Variants in MYO9B observed in about 807,000 individuals in gnomAD.
MYO9B encodes unconventional myosin-IXb.
In MYO9B, 71 loss-of-function variants were observed where a neutral mutation model predicts 229.5. The ratio of observed to expected loss-of-function variants is 0.31; its 90% CI spans 0.26 to 0.38. The LOEUF (loss-of-function observed/expected upper bound fraction) is 0.38. Ranked by LOEUF, MYO9B falls within the 10% of genes least tolerant of loss-of-function variation. The pLI is 1.00. For synonymous variants in MYO9B, 1,185 were observed against 1,235.8 expected, an observed-to-expected ratio of 0.96 and a Z score of 0.86; for missense variants, 2,255 against 2,920.5, an observed-to-expected ratio of 0.77 and a Z score of 5.25.
At chr19:17,110,123 C>T (rs1007450679) in intron 2 of MYO9B, among the ~76,000 whole-genome samples, 1 of 152,140 alleles carries the variant, frequency 6.6e-6, no homozygotes, top group Non-Finnish European at 1.5e-5. Context: ...CTCAGCTCCC[C>T]GAAAGGAGAA....
At chr19:17,079,373 GC>G (rs1414104074) in intron 1 of MYO9B, among the ~76,000 whole-genome samples, 1 of 152,176 alleles carries the variant, frequency 6.6e-6, no homozygotes, top group Non-Finnish European at 1.5e-5. Flanking sequence ...TAGGCAACGT[GC>G]CCGAGGGTGG....
At chr19:17,208,232 G>A (rs145566073) in intron 35 of MYO9B, among the ~76,000 whole-genome samples, 3,692 of 147,610 alleles carry the variant, frequency 0.025, 74 homozygotes, top group South Asian at 0.056. Context: ...CCAGCTACTC[G>A]GGAGGCTGAG....
At chr19:17,148,016 C>T (rs1159100531) in intron 3 of MYO9B, among the ~76,000 whole-genome samples, 1 of 152,100 alleles carries the variant, frequency 6.6e-6, no homozygotes, top group Non-Finnish European at 1.5e-5. Context: ...TACTGTCTCC[C>T]ATGGAAGCCA....
intron 2 of MYO9B, among the ~76,000 whole-genome samples, chr19:17,140,336 G>GT (rs1379132646): frequency 6.6e-6 from 1 of 152,092 alleles, no homozygotes; most frequent in Non-Finnish European, 1.5e-5. Context: ...CATTGATGGT[G>GT]TTTTTTCCCA....
Position 17,195,907 on chromosome 19 carries a change from G to A in MYO9B, c.4046+434G>A, listed in dbSNP as rs1221027089. Reference sequence around the variant, plus strand: ...GAATCTCCAGCTCCCTCTTCCAGAGGGCCTGCAGGACCAAAGGAAAGAAAT... The same window carrying A: ...GAATCTCCAGCTCCCTCTTCCAGAGAGCCTGCAGGACCAAAGGAAAGAAAT... On this transcript the variant is annotated intron_variant, in intron 22 of 39. Transcript: ENST00000682292. The surrounding 1 kb of genome is among the most constrained non-coding windows in gnomAD (Gnocchi z 4.5). Among the ~76,000 whole-genome samples the A allele has an allele frequency of 2.0e-5, 3 of 151,986 alleles. No homozygotes were observed. In the South Asian group the frequency reaches 6.3e-4, roughly 32 times the overall value.
intron 1 of MYO9B, among the ~76,000 whole-genome samples, chr19:17,090,286 G>A (rs2057625316): frequency 1.3e-5 from 2 of 151,908 alleles, no homozygotes; most frequent in South Asian, 4.2e-4. Context: ...TGGGATTACA[G>A]GCACACACCA....
Position 17,172,781 on chromosome 19 carries a change from A to G in MYO9B, c.1958A>G (p.Asp653Gly). 6.2e-7 allele frequency: 1 copy of G among 1,613,600 alleles called. No homozygotes were observed. Among genetic ancestry groups the G allele is most frequent in the Non-Finnish European group, 8.5e-7 (1 of 1,179,880 alleles). The change falls in exon 13 of 40, where the codon GAC becomes GGC. Residue 653 changes from aspartate (D) to glycine (G), a missense_variant. This residue lies in a region of MYO9B where 220 missense variants were observed against 404.5 expected (regional missense o/e 0.54). Coordinates refer to ENST00000682292, the MANE Select transcript of MYO9B (RefSeq NM_004145.4). This position sits in a 1 kb window ranked among gnomAD's most constrained non-coding sequence, Gnocchi z 8.2. ...CAGGACTTCCGGGAGAAGAACATGG[A>G]CTACATGCGGCCAGACATCGTGGCC... is the stretch of plus-strand genomic sequence containing the variant. ...QIKDFREKNMDYMRPDIVALL... is the reference protein window; with the variant it reads ...QIKDFREKNMGYMRPDIVALL...
intron 2 of MYO9B, among the ~76,000 whole-genome samples, chr19:17,104,459 G>T (rs1265325761): frequency 6.6e-6 from 1 of 152,204 alleles, no homozygotes; most frequent in Non-Finnish European, 1.5e-5. Flanking sequence ...ACCCATCATT[G>T]CAGGGATTGT....
intron 1 of MYO9B, among the ~76,000 whole-genome samples, chr19:17,086,919 CCCAGCAGGGA>C (rs1213363613): frequency 2.0e-5 from 3 of 149,396 alleles, no homozygotes; most frequent in Non-Finnish European, 2.9e-5. Flanking sequence ...AGATGTCTGT[CCCAGCAGGGA>C]CAGACTCACT....
At chr19:17,152,201 A>AC (rs36121051) in intron 3 of MYO9B, among the ~76,000 whole-genome samples, 9 of 150,578 alleles carry the variant, frequency 6.0e-5, no homozygotes, top group African/African-American at 1.5e-4. Context: ...AAAAAAAAAA[A>AC]CCCACAAGGA....
In MYO9B at chr19:17,200,845, G is replaced by C. The variant is rs148914906; in HGVS notation, c.4563+16G>C. The stretch of plus-strand genomic sequence containing the variant: ...GCTCAACAAGGTGGGATCACTAGGC[G>C]AGGGCCAGGGGCATGAGGCCCGGTC... On this transcript the variant is annotated intron_variant, in intron 26 of 39. Transcript: ENST00000682292. 3.2e-4 allele frequency: 508 copies of C among 1,611,466 alleles called. 5 individuals carry two copies. In the East Asian group the frequency reaches 0.011, roughly 36 times the overall value.
rs761222229 is a variant in MYO9B at position 17,205,248 on chromosome 19, C to G, written c.4991-15C>G. 2.5e-6 allele frequency: 4 copies of G among 1,613,050 alleles called. No individual in the cohort carries two copies. The highest frequency in any genetic ancestry group is 2.5e-6 in the Non-Finnish European group (3 of 1,179,350). On this transcript the variant is annotated splice_polypyrimidine_tract_variant and intron_variant, in intron 30 of 39. Transcript: ENST00000682292. ...CCCAGCACCCTCTGTGACTCCCACC[C>G]TGTGGACCTCCTAGTGTGCAAGATG...
In MYO9B at chr19:17,159,755, G is replaced by A. The variant is rs2072577643; in HGVS notation, c.1419+271G>A. ...TGCTGGTTCTCACTAGCAATGGTTGGCCAGATCCAGCCCTCCACCTGGTTT... is the reference window on the plus strand; with the variant it reads ...TGCTGGTTCTCACTAGCAATGGTTGACCAGATCCAGCCCTCCACCTGGTTT... On this transcript the variant is annotated intron_variant, in intron 8 of 39. Coordinates refer to ENST00000682292, the MANE Select transcript of MYO9B (RefSeq NM_004145.4). 2.0e-5 allele frequency among the ~76,000 whole-genome samples: 3 copies of A among 152,228 alleles called. No homozygotes were observed. In the South Asian group the frequency reaches 6.2e-4, roughly 31 times the overall value.
In MYO9B at chr19:17,212,100, G is replaced by A; in HGVS notation, c.6264G>A (p.Arg2088=). ...TGCCTCGCTGGGCACCGGGTGCCCG[G>A]GAGGCGGCTGCCCCAGTGCGGCGCC... ...SHLPRWAPGA[R]EAAAPVRRRE... The change falls in exon 40 of 40, where the codon CGG becomes CGA. Residue 2088 remains arginine, a synonymous_variant. Coordinates refer to ENST00000682292, the MANE Select transcript of MYO9B (RefSeq NM_004145.4). This position sits in a 1 kb window ranked among gnomAD's most constrained non-coding sequence, Gnocchi z 5.4. 2 of 1,589,620 alleles carry A rather than the reference G, an allele frequency of 1.3e-6. No homozygotes were observed. Among genetic ancestry groups the A allele is most frequent in the Non-Finnish European group, 1.7e-6 (2 of 1,170,460 alleles).
chr19:17,086,067 A>C (rs1206872975), intron 1 of MYO9B, among the ~76,000 whole-genome samples: 1 of 152,124 alleles, frequency 6.6e-6, no homozygotes, highest in Non-Finnish European at 1.5e-5. Context: ...CACCCACAGG[A>C]CGTGCTTCCA....
intron 18 of MYO9B, among the ~76,000 whole-genome samples, chr19:17,186,596 C>T (rs1470030485): frequency 7.2e-5 from 11 of 152,252 alleles, no homozygotes; most frequent in South Asian, 6.2e-4. Flanking sequence ...CTTCTCTGCT[C>T]GTGGGCTGTG....
At chr19:17,120,062 G>A (rs1210690767) in intron 2 of MYO9B, among the ~76,000 whole-genome samples, 2 of 152,220 alleles carry the variant, frequency 1.3e-5, no homozygotes, top group African/African-American at 4.8e-5. Context: ...TACTCAGGAG[G>A]CTGAGGTGGG....
At chr19:17,174,784 A>C (rs979344821) in intron 13 of MYO9B, among the ~76,000 whole-genome samples, 12 of 149,306 alleles carry the variant, frequency 8.0e-5, no homozygotes, top group Admixed American at 2.0e-4. Context: ...AATACAAAAA[A>C]TTAGCCAGGT....
intron 2 of MYO9B, among the ~76,000 whole-genome samples, chr19:17,139,983 G>A (rs967192471): frequency 6.6e-6 from 1 of 151,988 alleles, no homozygotes. Flanking sequence ...GGAGGTTGTG[G>A]TGAGCTGAGA....
Sources: allele counts gnomAD v4.1 joint callset (sites outside exome capture counted in the v4.1 genomes callset), GRCh38; gene constraint gnomAD v4.1.1; regional missense constraint gnomAD v4.1.1; non-coding constraint Gnocchi (gnomAD v3.1); transcripts MANE v1.5; gene names NCBI Gene and HGNC (gene_info 2026-07-23, HGNC 2026-07-21).